Variants in FALEC observed in about 807,000 individuals in gnomAD.
FALEC encodes focally amplified lncRNA on chromosome 1.
the FALEC span, among the ~76,000 whole-genome samples, chr1:150,529,366 A>G: frequency 1.8e-4 from 27 of 152,358 alleles, no homozygotes; most frequent in African/African-American, 6.3e-4. Context: ...GTCAGCCCCA[A>G]AATGGGGGCT....
intron 1 of FALEC, among the ~76,000 whole-genome samples, chr1:150,517,296 CAAAAAAAAA>C (rs34702640): frequency 2.1e-5 from 2 of 93,228 alleles, no homozygotes; most frequent in South Asian, 4.0e-4. Flanking sequence ...GACTCCGTCT[CAAAAAAAAA>C]AAAAAAAAAA....
chr1:150,527,846 T>C, the FALEC span, among the ~76,000 whole-genome samples: 2 of 151,964 alleles, frequency 1.3e-5, no homozygotes, highest in Non-Finnish European at 2.9e-5. Flanking sequence ...CAAGGCTCCA[T>C]CTCAAAAAAT....
At chr1:150,517,296 CAAAA>C (rs34702640) in intron 1 of FALEC, among the ~76,000 whole-genome samples, 3 of 93,222 alleles carry the variant, frequency 3.2e-5, no homozygotes, top group African/African-American at 4.3e-5. Context: ...GACTCCGTCT[CAAAA>C]AAAAAAAAAA....
chr1:150,530,656 T>A, the FALEC span, among the ~76,000 whole-genome samples: 1 of 152,176 alleles, frequency 6.6e-6, no homozygotes, highest in African/African-American at 2.4e-5. Flanking sequence ...AGCAGGCACC[T>A]TCACACTGTC....
the FALEC span, among the ~76,000 whole-genome samples, chr1:150,525,063 G>A: frequency 6.6e-6 from 1 of 150,948 alleles, no homozygotes; most frequent in African/African-American, 2.4e-5. Flanking sequence ...GTGGGAGGCC[G>A]AGGCAGGCGG....
downstream of FALEC, among the ~76,000 whole-genome samples, chr1:150,522,043 G>A (rs1024312523): frequency 1.3e-5 from 2 of 151,842 alleles, no homozygotes; most frequent in African/African-American, 4.8e-5. Context: ...GCAGGAGTTC[G>A]AGATCAGCCT....
chr1:150,519,210 T>A (rs756869885), downstream of FALEC, among the ~76,000 whole-genome samples: 2 of 152,206 alleles, frequency 1.3e-5, no homozygotes, highest in South Asian at 4.1e-4. Context: ...GACGCCCTCC[T>A]CCCGTGCCCA....
chr1:150,516,224 G>C (rs1337082969), intron 1 of FALEC, among the ~76,000 whole-genome samples: 2 of 151,144 alleles, frequency 1.3e-5, no homozygotes, highest in African/African-American at 2.4e-5. Context: ...CTCCAGCCTG[G>C]GCGAGAGAGG....
chr1:150,533,907 G>T, the FALEC span, among the ~76,000 whole-genome samples: 4 of 152,250 alleles, frequency 2.6e-5, no homozygotes, highest in African/African-American at 9.6e-5. Context: ...TGGAGGAGGA[G>T]AGAGGGAGGC....
chr1:150,517,395 G>A (rs145346001), intron 1 of FALEC, among the ~76,000 whole-genome samples: 112 of 152,002 alleles, frequency 7.4e-4, no homozygotes, highest in Non-Finnish European at 1.2e-3. Flanking sequence ...GTTTGCTGGT[G>A]TCTAGGGTGA....
chr1:150,524,970 GAAC>G, the FALEC span, among the ~76,000 whole-genome samples: 199 of 133,448 alleles, frequency 1.5e-3, 1 homozygote, highest in African/African-American at 5.5e-3. Flanking sequence ...ACTCCAGCCT[GAAC>G]AACAGAGTGA....
chr1:150,517,296 C>CAA (rs34702640), intron 1 of FALEC, among the ~76,000 whole-genome samples: 10,444 of 93,120 alleles, frequency 0.11, 532 homozygotes, highest in Non-Finnish European at 0.15. Context: ...GACTCCGTCT[C>CAA]AAAAAAAAAA....
the FALEC span, among the ~76,000 whole-genome samples, chr1:150,523,775 C>G: frequency 6.6e-6 from 1 of 151,884 alleles, no homozygotes; most frequent in Non-Finnish European, 1.5e-5. Context: ...CCCTGGAAAC[C>G]GTGAATTTTA....
the FALEC span, among the ~76,000 whole-genome samples, chr1:150,531,218 G>A: frequency 6.6e-6 from 1 of 152,332 alleles, no homozygotes; most frequent in Admixed American, 6.5e-5. Flanking sequence ...CTCTAGGCTG[G>A]GCACAGTGGC....
the FALEC span, among the ~76,000 whole-genome samples, chr1:150,524,578 G>C: frequency 6.6e-5 from 10 of 152,142 alleles, no homozygotes; most frequent in Non-Finnish European, 1.5e-4. Flanking sequence ...ATCAAAAGAT[G>C]GACAAAAGAT....
chr1:150,530,333 G>A, the FALEC span, among the ~76,000 whole-genome samples: 17 of 152,118 alleles, frequency 1.1e-4, no homozygotes, highest in African/African-American at 3.9e-4. Context: ...ACTTTGAATC[G>A]GGAGGCAGCA....
chr1:150,536,439 C>G, the FALEC span, among the ~76,000 whole-genome samples: 2 of 152,176 alleles, frequency 1.3e-5, no homozygotes, highest in African/African-American at 2.4e-5. Context: ...GCAAGTCACC[C>G]TTCTTCCGAG....
chr1:150,520,010 G>A (rs1482744022), downstream of FALEC, among the ~76,000 whole-genome samples: 1 of 151,988 alleles, frequency 6.6e-6, no homozygotes, highest in African/African-American at 2.4e-5. Flanking sequence ...TTAGCCGGGT[G>A]TGGTGGTGCA....
chr1:150,518,259 C>G (rs1418124461), downstream of FALEC, among the ~76,000 whole-genome samples: 2 of 152,082 alleles, frequency 1.3e-5, no homozygotes, highest in African/African-American at 4.8e-5. Flanking sequence ...TGCCCTATTT[C>G]AATAAATAGA....
Sources: allele counts gnomAD v4.1 joint callset (sites outside exome capture counted in the v4.1 genomes callset), GRCh38; gene constraint gnomAD v4.1.1; transcripts MANE v1.5; gene names NCBI Gene and HGNC (gene_info 2026-07-23, HGNC 2026-07-21).